Variants in DCLK1 observed in about 807,000 individuals in gnomAD.
The protein encoded by DCLK1 is doublecortin like kinase 1.
Under a neutral mutation model 86.2 loss-of-function variants are expected in DCLK1, and 16 were observed. The observed-to-expected ratio is 0.19, with a 90% CI of 0.13 to 0.28. DCLK1 has a LOEUF of 0.28. Among genes scored for constraint, DCLK1 ranks in the 10% least tolerant of loss-of-function variants. The pLI is 1.00. For synonymous variants in DCLK1, 369 were observed against 370.5 expected (o/e 1.00, Z 0.05); for missense variants, 590 against 940.2 (o/e 0.63, Z 4.87).
intron 15 of DCLK1, among the ~76,000 whole-genome samples, chr13:35,795,012 T>C (rs2086780154): frequency 1.3e-5 from 2 of 152,112 alleles, no homozygotes; most frequent in African/African-American, 4.8e-5. Context: ...GCACACACTA[T>C]GTAAAATCAT....
At chr13:35,976,531 T>G (rs1161596508) in intron 3 of DCLK1, among the ~76,000 whole-genome samples, 1 of 114,518 alleles carries the variant, frequency 8.7e-6, no homozygotes. Context: ...CGAGGTTTTT[T>G]TTTTTTTTTT....
At chr13:36,042,294 G>T (rs907726913) in intron 3 of DCLK1, among the ~76,000 whole-genome samples, 4 of 152,222 alleles carry the variant, frequency 2.6e-5, no homozygotes, top group Admixed American at 6.5e-5. Context: ...ACAATATACA[G>T]TATGGATAAA....
chr13:35,971,657 G>A (rs1321674116), intron 3 of DCLK1, among the ~76,000 whole-genome samples: 1 of 152,060 alleles, frequency 6.6e-6, no homozygotes, highest in African/African-American at 2.4e-5. Context: ...CAGCAATGTG[G>A]GAGACTGAAG....
rs762480089 is a variant in DCLK1, at chr13:35,871,321, G to A, written c.843C>T (p.Ser281=). The change falls in exon 5 of 17, where the codon TCC becomes TCT. Residue 281 remains serine (S), a synonymous_variant. Transcript: ENST00000360631. ...ATGAAGCTATTTTGGTGTAAGAAGT[G>A]GACTTTACCACTCGACATTCTGGGG... ...LDESECRVVK[S]TSYTKIASSS... is the part of the protein sequence containing the mutation. 1.2e-6 allele frequency: 2 copies of A among 1,613,326 alleles called. No homozygotes were observed. The highest frequency in any genetic ancestry group is 2.2e-5 in the East Asian group (1 of 44,838).
intron 2 of DCLK1, among the ~76,000 whole-genome samples, chr13:36,116,540 T>C (rs1248196614): frequency 6.6e-6 from 1 of 151,668 alleles, no homozygotes; most frequent in East Asian, 1.9e-4. Context: ...ATTGTGGGAG[T>C]TTTTTCATTG....
chr13:35,923,064 TAACTGCTATGAATCAATTGGG>T (rs1386825911), intron 4 of DCLK1, among the ~76,000 whole-genome samples: 36 of 152,234 alleles, frequency 2.4e-4, no homozygotes, highest in South Asian at 1.0e-3. Context: ...AGAATTGGAG[TAACTGCTATGAATCAATTGGG>T]AACTTAAGTA....
Position 35,836,089 on chromosome 13 carries a change from T to C in DCLK1, c.1173A>G (p.Lys391=). The part of the protein sequence containing the change: ...QIPATITERY[K]VGRTIGDGNF... ...TTCCATCTCCTATTGTTCTTCCGAC[T>C]TTATATCGTTCTGTTATTGTAGCTG... The change falls in exon 8 of 17, where the codon AAA becomes AAG. Residue 391 remains lysine (K), a synonymous_variant. Transcript: ENST00000360631. The C allele has an allele frequency of 1.2e-6, 2 of 1,613,712 alleles. No homozygotes were observed. The highest frequency in any genetic ancestry group is 2.2e-5 in the East Asian group (1 of 44,848).
chr13:35,926,131 T>G (rs1876105296), intron 4 of DCLK1, among the ~76,000 whole-genome samples: 1 of 151,802 alleles, frequency 6.6e-6, no homozygotes, highest in African/African-American at 2.4e-5. Flanking sequence ...CGATCTTGGC[T>G]CACTGCAATG....
At chr13:36,005,494 G>A (rs536825825) in intron 3 of DCLK1, among the ~76,000 whole-genome samples, 1 of 152,254 alleles carries the variant, frequency 6.6e-6, no homozygotes, top group South Asian at 2.1e-4. Context: ...TTCATTTTAA[G>A]GTCAAAGAGA....
At chr13:36,059,623 A>G (rs910368510) in intron 3 of DCLK1, among the ~76,000 whole-genome samples, 1 of 152,188 alleles carries the variant, frequency 6.6e-6, no homozygotes, top group African/African-American at 2.4e-5. Context: ...TGCACCATAG[A>G]AAGTGGGTAG....
At chr13:36,061,544 ACTTT>A (rs1883548514) in intron 3 of DCLK1, among the ~76,000 whole-genome samples, 1 of 152,184 alleles carries the variant, frequency 6.6e-6, no homozygotes, top group South Asian at 2.1e-4. Context: ...TGTTTTAGTT[ACTTT>A]CTCTCCTTCT....
chr13:35,967,444 G>A (rs969853290), intron 3 of DCLK1, among the ~76,000 whole-genome samples: 1 of 152,218 alleles, frequency 6.6e-6, no homozygotes, highest in Non-Finnish European at 1.5e-5. Flanking sequence ...TGTGTAGAAA[G>A]AAGTAGACAT....
intron 15 of DCLK1, among the ~76,000 whole-genome samples, chr13:35,804,467 C>A (rs1355396841): frequency 6.6e-6 from 1 of 151,630 alleles, no homozygotes; most frequent in African/African-American, 2.4e-5. Flanking sequence ...GAGTCTCAAT[C>A]TTTTGTCCAG....
At chr13:36,021,589 G>A (rs539038174) in intron 3 of DCLK1, among the ~76,000 whole-genome samples, 1 of 152,156 alleles carries the variant, frequency 6.6e-6, no homozygotes, top group East Asian at 1.9e-4. Flanking sequence ...AAAGAGAGCT[G>A]GAGTGGCTAT....
At chr13:35,902,500 G>T (rs1472533073) in intron 4 of DCLK1, among the ~76,000 whole-genome samples, 1 of 152,168 alleles carries the variant, frequency 6.6e-6, no homozygotes, top group Admixed American at 6.5e-5. Context: ...GTGATTTGCG[G>T]GCAGAAGCAT....
chr13:36,025,214 C>T (rs567619218), intron 3 of DCLK1, among the ~76,000 whole-genome samples: 122 of 152,194 alleles, frequency 8.0e-4, no homozygotes, highest in African/African-American at 2.5e-3. Flanking sequence ...GTGATCCACC[C>T]GCTTCGGCCT....
At chr13:35,878,284 T>C (rs114309466) in intron 4 of DCLK1, among the ~76,000 whole-genome samples, 289 of 152,326 alleles carry the variant, frequency 1.9e-3, no homozygotes, top group African/African-American at 6.7e-3. Flanking sequence ...AAAATCCACA[T>C]GTAGGCTTCT....
chr13:35,956,582 C>T (rs534685321), intron 3 of DCLK1, among the ~76,000 whole-genome samples: 3 of 152,218 alleles, frequency 2.0e-5, no homozygotes, highest in Admixed American at 6.5e-5. Context: ...GGACATAACG[C>T]TATCTTCAAG....
intron 16 of DCLK1, among the ~76,000 whole-genome samples, chr13:35,785,859 G>A (rs187887349): frequency 5.9e-5 from 9 of 152,294 alleles, no homozygotes; most frequent in Admixed American, 3.3e-4. Flanking sequence ...GCAAGCACTC[G>A]CAATCAGTAA....
Sources: allele counts gnomAD v4.1 joint callset (sites outside exome capture counted in the v4.1 genomes callset), GRCh38; gene constraint gnomAD v4.1.1; transcripts MANE v1.5; gene names NCBI Gene and HGNC (gene_info 2026-07-23, HGNC 2026-07-21).